NBAS: variants seen among roughly 807,000 people sequenced by gnomAD.
NBAS encodes NAG/BC035112 fusion.
A neutral mutation model predicts 302.5 loss-of-function variants in NBAS; 219 were observed. The observed-to-expected ratio is 0.72, with a 90% CI of 0.65 to 0.81. The LOEUF (loss-of-function observed/expected upper bound fraction) is 0.81. NBAS is among the 30% of genes least tolerant of loss of function. The pLI is 0.00. For missense variants in NBAS, 2,932 were observed against 2,841.6 expected, an observed-to-expected ratio of 1.03 and a Z score of -0.72; for synonymous variants, 1,118 against 1,021.6, an observed-to-expected ratio of 1.09 and a Z score of -1.80.
At chr2:15,200,040 C>A (rs538297009) in intron 48 of NBAS, among the ~76,000 whole-genome samples, 2 of 151,716 alleles carry the variant, frequency 1.3e-5, no homozygotes, top group Non-Finnish European at 2.9e-5. Context: ...GCAGTTGAGA[C>A]CACAGGCACA....
chr2:14,994,251 A>G, the NBAS span, among the ~76,000 whole-genome samples: 1 of 152,228 alleles, frequency 6.6e-6, no homozygotes, highest in South Asian at 2.1e-4. Flanking sequence ...ACAAATGGAA[A>G]TCCATTTCAG....
intron 28 of NBAS, among the ~76,000 whole-genome samples, chr2:15,392,230 A>G (rs1393015600): frequency 6.6e-6 from 1 of 151,904 alleles, no homozygotes; most frequent in Admixed American, 6.5e-5. Flanking sequence ...TAACATACAT[A>G]AAAGTAAATT....
intron 41 of NBAS, among the ~76,000 whole-genome samples, chr2:15,290,297 T>C (rs1429955342): frequency 6.6e-6 from 1 of 152,190 alleles, no homozygotes; most frequent in Non-Finnish European, 1.5e-5. Flanking sequence ...AGCAGCAAGC[T>C]GGTGGAAACT....
chr2:14,879,483 C>T, the NBAS span, among the ~76,000 whole-genome samples: 2 of 152,072 alleles, frequency 1.3e-5, no homozygotes, highest in African/African-American at 4.8e-5. Flanking sequence ...GTGACATTAA[C>T]CGTATATTTT....
intron 13 of NBAS, among the ~76,000 whole-genome samples, chr2:15,477,465 T>A (rs968306058): frequency 3.9e-5 from 6 of 152,156 alleles, no homozygotes; most frequent in Admixed American, 3.9e-4. Context: ...TTCACCATGT[T>A]GGCCAGGCTG....
chr2:15,172,408 A>G (rs779516973), intron 51 of NBAS, among the ~76,000 whole-genome samples: 4 of 152,158 alleles, frequency 2.6e-5, no homozygotes, highest in African/African-American at 9.7e-5. Flanking sequence ...TTTTGTTATC[A>G]TGAACATTCT....
chr2:15,277,129 T>C, intron 42 of NBAS, 28 bp from the exon 43 acceptor site: 1 of 1,607,026 alleles, frequency 6.2e-7, no homozygotes, highest in Non-Finnish European at 8.5e-7. Context: ...AGGAACTGTG[T>C]TAAGATTTTG....
intron 23 of NBAS, among the ~76,000 whole-genome samples, 197 bp downstream of exon 23, chr2:15,424,118 G>A (rs1323737928): frequency 6.6e-6 from 1 of 152,198 alleles, no homozygotes; most frequent in African/African-American, 2.4e-5. Flanking sequence ...TTATGCACCT[G>A]CTCTGTAAGA....
At chr2:15,516,832 A>T (rs1662415416) in intron 9 of NBAS, among the ~76,000 whole-genome samples, 1 of 152,210 alleles carries the variant, frequency 6.6e-6, no homozygotes, top group South Asian at 2.1e-4. Context: ...GTTCAAAAGG[A>T]AAGTAGACAA....
the NBAS span, among the ~76,000 whole-genome samples, chr2:15,077,714 C>T: frequency 3.4e-4 from 49 of 143,594 alleles, no homozygotes; most frequent in South Asian, 9.7e-3. Context: ...GATGGGGTCT[C>T]GCTCTGTTGC....
the NBAS span, among the ~76,000 whole-genome samples, chr2:14,984,349 CTT>C: frequency 6.6e-6 from 1 of 152,150 alleles, no homozygotes; most frequent in Non-Finnish European, 1.5e-5. Flanking sequence ...CAAGGTGAGA[CTT>C]TTGCACTTCG....
chr2:15,298,179 T>G (rs1670636565), intron 40 of NBAS, among the ~76,000 whole-genome samples: 1 of 152,192 alleles, frequency 6.6e-6, no homozygotes, highest in African/African-American at 2.4e-5. Context: ...ACCCCATCTC[T>G]ACGAGAAATA....
At chr2:14,779,866 T>C in the NBAS span, among the ~76,000 whole-genome samples, 1 of 152,220 alleles carries the variant, frequency 6.6e-6, no homozygotes, top group Non-Finnish European at 1.5e-5. Context: ...ATTTTTCAGA[T>C]GACTGAATGA....
intron 8 of NBAS, among the ~76,000 whole-genome samples, chr2:15,536,105 T>C (rs952905024): frequency 1.3e-5 from 2 of 152,186 alleles, no homozygotes; most frequent in African/African-American, 4.8e-5. Flanking sequence ...TATAAGCAAA[T>C]ATTAAACTCT....
intron 11 of NBAS, among the ~76,000 whole-genome samples, chr2:15,494,560 A>G (rs1680994808): frequency 6.6e-6 from 1 of 152,206 alleles, no homozygotes; most frequent in African/African-American, 2.4e-5. Context: ...AAGATCTTTT[A>G]TATTGGAGGA....
the NBAS span, among the ~76,000 whole-genome samples, chr2:15,038,602 G>A: frequency 6.6e-6 from 1 of 152,152 alleles, no homozygotes; most frequent in Non-Finnish European, 1.5e-5. Context: ...ATGTCATATT[G>A]TTTTACAACC....
At chr2:15,147,741 T>G in the NBAS span, among the ~76,000 whole-genome samples, 1 of 152,098 alleles carries the variant, frequency 6.6e-6, no homozygotes, top group Admixed American at 6.5e-5. Flanking sequence ...CCGCCTTTAC[T>G]CATCATCTCT....
chr2:15,327,146 T>C (rs1165430473), intron 38 of NBAS, among the ~76,000 whole-genome samples: 1 of 152,102 alleles, frequency 6.6e-6, no homozygotes, highest in African/African-American at 2.4e-5. Context: ...CTCGCTGACA[T>C]CTGAAATATA....
intron 40 of NBAS, among the ~76,000 whole-genome samples, chr2:15,306,466 C>T (rs765119618): frequency 6.6e-6 from 1 of 152,162 alleles, no homozygotes; most frequent in African/African-American, 2.4e-5. Context: ...GGTCTTTCCA[C>T]GTGTCTTCTT....
Sources: allele counts gnomAD v4.1 joint callset (sites outside exome capture counted in the v4.1 genomes callset), GRCh38; gene constraint gnomAD v4.1.1; transcripts MANE v1.5; gene names NCBI Gene and HGNC (gene_info 2026-07-23, HGNC 2026-07-21).